Variants in BAIAP2L2 observed in about 807,000 individuals in gnomAD.
The protein encoded by BAIAP2L2 is BAR/IMD domain-containing adapter protein 2-like 2.
Under a neutral mutation model 60.4 loss-of-function variants are expected in BAIAP2L2, and 65 were observed. The ratio of observed to expected loss-of-function variants is 1.08; its 90% CI spans 0.88 to 1.32. BAIAP2L2 has a LOEUF of 1.32. Among genes scored for constraint, BAIAP2L2 ranks in the 40% most tolerant of loss-of-function variants. BAIAP2L2 has a pLI of 0.00. For synonymous variants in BAIAP2L2, 344 were observed against 301.7 expected, an observed-to-expected ratio of 1.14 and a Z score of -1.45; for missense variants, 836 against 741.2, an observed-to-expected ratio of 1.13 and a Z score of -1.48.
At chr22:38,094,760 G>C (rs147305790) in intron 7 of BAIAP2L2, among the ~76,000 whole-genome samples, 49 of 152,300 alleles carry the variant, frequency 3.2e-4, no homozygotes, top group African/African-American at 1.1e-3. Context: ...GCCGAAATCT[G>C]GGTCTTTGGA....
intron 4 of BAIAP2L2, 37 bp downstream of exon 4, chr22:38,107,815 C>T (rs200175236): frequency 4.5e-5 from 72 of 1,597,686 alleles, no homozygotes; most frequent in East Asian, 2.0e-4. Context: ...CCACTTTCCT[C>T]GAGTGACCCC....
chr22:38,109,377 C>A (rs1045854676), intron 1 of BAIAP2L2, among the ~76,000 whole-genome samples, 169 bp from the exon 2 acceptor site: 4 of 152,068 alleles, frequency 2.6e-5, no homozygotes, highest in African/African-American at 4.8e-5. Context: ...AGAATCCTGG[C>A]TCTTGGCTGC....
Position 38,089,377 on chromosome 22 carries a change from C to T in BAIAP2L2, c.765+145G>A, listed in dbSNP as rs2086218614. The stretch of plus-strand genomic sequence containing the variant: ...GGCCACCACGGGGGCGCGGAGAACG[C>T]GCCGGGGCGGAAGGGCAGGCCGGGG... On this transcript the variant is annotated intron_variant, in intron 8 of 13. Coordinates refer to ENST00000381669, the MANE Select transcript of BAIAP2L2 (RefSeq NM_025045.6). 8.5e-6 allele frequency: 5 copies of T among 584,980 alleles called. No individual in the cohort carries two copies. The East Asian group carries it at 1.4e-4, about 17-fold the overall frequency. The allele number at this position is 584,980 out of a possible 1,614,324, so 36.2% of individuals were successfully genotyped here.
chr22:38,109,756 C>G (rs2086760522), intron 1 of BAIAP2L2, among the ~76,000 whole-genome samples: 1 of 151,926 alleles, frequency 6.6e-6, no homozygotes, highest in Non-Finnish European at 1.5e-5. Flanking sequence ...TGAAGACGGG[C>G]CTGGACTTGG....
intron 8 of BAIAP2L2, 97 bp downstream of exon 8, chr22:38,089,425 T>C: frequency 1.6e-6 from 1 of 623,602 alleles, no homozygotes; most frequent in Non-Finnish European, 2.2e-6. Context: ...AGCGGGAGCC[T>C]GGGGGGCAGG....
chr22:38,103,465 C>T (rs189927843), intron 4 of BAIAP2L2, among the ~76,000 whole-genome samples: 1 of 152,258 alleles, frequency 6.6e-6, no homozygotes, highest in African/African-American at 2.4e-5. Context: ...AAAAACAGGG[C>T]TTCATGAAGA....
Position 38,089,564 on chromosome 22 carries a change from C to A in BAIAP2L2, c.723G>T (p.Pro241=). 3.3e-6 allele frequency: 4 copies of A among 1,229,804 alleles called. No homozygotes were observed. Among genetic ancestry groups the A allele is most frequent in the Non-Finnish European group, 4.0e-6 (4 of 987,848 alleles). 76.2% of individuals were successfully genotyped at this position (1,229,804 alleles called of 1,614,324 possible). The change falls in exon 8 of 14, where the codon CCG becomes CCT. Residue 241 remains proline (P), a synonymous_variant. Coordinates refer to ENST00000381669, the MANE Select transcript of BAIAP2L2 (RefSeq NM_025045.6). ...SPGLLGPALG[P]PYPSGRLTPT... ...GCGTCAGGCGGCCCGAGGGGTAGGG[C>A]GGCCCCAGCGCGGGGCCCAGCAGGC...
intron 4 of BAIAP2L2, among the ~76,000 whole-genome samples, chr22:38,099,799 C>T (rs985237796): frequency 6.6e-6 from 1 of 152,204 alleles, no homozygotes; most frequent in Non-Finnish European, 1.5e-5. Context: ...CAGCCTCTGT[C>T]CACACACCCT....
chr22:38,095,054 G>C (rs920298410), intron 7 of BAIAP2L2, among the ~76,000 whole-genome samples: 2 of 152,222 alleles, frequency 1.3e-5, no homozygotes, highest in African/African-American at 4.8e-5. Context: ...GGGAGGCTGA[G>C]GCAGGAGAAT....
chr22:38,093,823 T>C, intron 7 of BAIAP2L2: 1 of 444,262 alleles, frequency 2.3e-6, no homozygotes, highest in South Asian at 1.6e-5. Flanking sequence ...AGTTACCATA[T>C]GGCCCCACAA....
Position 38,085,008 on chromosome 22 carries a change from G to T in BAIAP2L2, c.*292C>A. On this transcript the variant is annotated 3_prime_UTR_variant, in exon 14 of 14. Transcript: ENST00000381669. ...GCTCCTCCCCACGGGGGCAGAAAAG[G>T]GGGAAAGAGGTTAGGGGGCAAGAGG... The T allele has an allele frequency of 2.6e-6, 1 of 381,592 alleles. No homozygotes were observed. The highest frequency in any genetic ancestry group is 4.8e-6 in the Non-Finnish European group (1 of 206,408). 23.6% of individuals were successfully genotyped at this position (381,592 alleles called of 1,614,324 possible).
In BAIAP2L2 at chr22:38,110,519, G is replaced by A. The variant is rs770821300; in HGVS notation, c.7C>T (p.Pro3Ser). The A allele has an allele frequency of 4.6e-5, 74 of 1,610,558 alleles. No homozygotes were observed. The highest frequency in any genetic ancestry group is 6.3e-5 in the Non-Finnish European group (74 of 1,178,414). Residue 3 changes from proline to serine, a missense_variant, in exon 1 of 14, where the codon CCC becomes TCC. Physicochemically the swap from Pro to Ser is moderately conservative, Grantham distance 74 (BLOSUM62 -1). Transcript: ENST00000381669. ...GACCTGTAGAACTGGTCCATCTCGG[G>A]GGCCATGGAGGGGCTGTCCCGGGTC... MA[P>S]EMDQFYRSTM...
intron 2 of BAIAP2L2, among the ~76,000 whole-genome samples, chr22:38,108,851 G>A (rs2086725551): frequency 6.6e-6 from 1 of 152,016 alleles, no homozygotes. Flanking sequence ...CTGGGGCTGT[G>A]TGGGCCTGCA....
At chr22:38,109,035 T>C in intron 2 of BAIAP2L2, 98 bp downstream of exon 2, 1 of 1,001,492 alleles carries the variant, frequency 1.0e-6, no homozygotes, top group Admixed American at 2.0e-5. Flanking sequence ...GGGTTGAGGA[T>C]GAACAGGTGT....
rs751524302 is a variant in BAIAP2L2, at chr22:38,110,462, C to T, written c.51+13G>A. On this transcript the variant is annotated intron_variant, in intron 1 of 13. Coordinates refer to ENST00000381669, the MANE Select transcript of BAIAP2L2 (RefSeq NM_025045.6). The stretch of plus-strand genomic sequence containing the variant: ...GAGGGGCTCAGGCCTGGCTTGGCCA[C>T]CCATGTGCTCACCTTGTAGATGGCC... 4 of 1,611,534 alleles carry T rather than the reference C, an allele frequency of 2.5e-6. No individual in the cohort carries two copies. Among genetic ancestry groups the T allele is most frequent in the South Asian group, 1.1e-5 (1 of 90,638 alleles).
chr22:38,090,129 T>TTTTTTTTA (rs2086260025), intron 7 of BAIAP2L2: 1 of 113,750 alleles, frequency 8.8e-6, no homozygotes, highest in East Asian at 2.2e-4. Context: ...TTTTTTTTTT[T>TTTTTTTTA]AGACGGAGTC....
chr22:38,087,207 G>A lies in BAIAP2L2; in HGVS notation c.1176C>T (p.Pro392=). 6.2e-7 allele frequency: 1 copy of A among 1,604,782 alleles called. No homozygotes were observed. The highest frequency in any genetic ancestry group is 8.5e-7 in the Non-Finnish European group (1 of 1,176,450). The change falls in exon 11 of 14, where the codon CCC becomes CCT. Residue 392 remains proline, a synonymous_variant. Coordinates refer to ENST00000381669, the MANE Select transcript of BAIAP2L2 (RefSeq NM_025045.6). ...AGGTCATGGGGGTCACGGGGGTCAT[G>A]GGATTCACGGGCCCCTCCTCCAGAG... ...VKALEEGPVN[P]MTPVTPMTSM...
chr22:38,092,683 T>A (rs938756857), intron 7 of BAIAP2L2, among the ~76,000 whole-genome samples: 4 of 152,206 alleles, frequency 2.6e-5, no homozygotes, highest in East Asian at 3.8e-4. Flanking sequence ...TCAGACAACA[T>A]GTTACTTGCT....
Position 38,108,245 on chromosome 22 carries a change from G to T in BAIAP2L2, c.214+10C>A. The T allele has an allele frequency of 6.2e-7, 1 of 1,610,256 alleles. No individual in the cohort carries two copies. The highest frequency in any genetic ancestry group is 8.5e-7 in the Non-Finnish European group (1 of 1,178,454). ...CAAGAATGGGGTCTGCTGTGGAGGG[G>T]GAGCCTCACCCAGAATCTGTGAGGT... On this transcript the variant is annotated intron_variant, in intron 3 of 13. Transcript: ENST00000381669.
Sources: allele counts gnomAD v4.1 joint callset (sites outside exome capture counted in the v4.1 genomes callset), GRCh38; gene constraint gnomAD v4.1.1; transcripts MANE v1.5; gene names NCBI Gene and HGNC (gene_info 2026-07-23, HGNC 2026-07-21).